The following SLCO3A1 variants were observed in gnomAD, a reference collection of about 807,000 sequenced individuals.
SLCO3A1 encodes the protein PGE1 transporter.
In SLCO3A1, 27 loss-of-function variants were observed where a neutral mutation model predicts 63.1. That is an observed-to-expected ratio of 0.43 (90% CI 0.32 to 0.59). The LOEUF (loss-of-function observed/expected upper bound fraction) is 0.59. Ranked by LOEUF, SLCO3A1 falls within the 20% of genes least tolerant of loss-of-function variation. The pLI, the probability that SLCO3A1 is intolerant of heterozygous loss-of-function variation, is 0.09. For synonymous variants in SLCO3A1, 473 were observed against 409.9 expected, an observed-to-expected ratio of 1.15 and a Z score of -1.86; for missense variants, 773 against 945.8, an observed-to-expected ratio of 0.82 and a Z score of 2.40.
chr15:92,128,312 C>G, intron 6 of SLCO3A1, 39 bp from the exon 7 acceptor site: 1 of 1,613,010 alleles, frequency 6.2e-7, no homozygotes, highest in Non-Finnish European at 8.5e-7. Context: ...TCCGAATTGA[C>G]CTGTTTCTAA....
At chr15:92,144,257 T>C (rs751194507) in intron 7 of SLCO3A1, among the ~76,000 whole-genome samples, 1 of 152,026 alleles carries the variant, frequency 6.6e-6, no homozygotes, top group Non-Finnish European at 1.5e-5. Context: ...ACATGATGTA[T>C]ACACAGGAGA....
intron 1 of SLCO3A1, among the ~76,000 whole-genome samples, chr15:91,861,578 A>G (rs1026338559): frequency 2.6e-5 from 4 of 152,198 alleles, no homozygotes; most frequent in Admixed American, 1.3e-4. Context: ...CCTAATCAAC[A>G]CACATTGAAA....
In SLCO3A1 at chr15:92,047,483, A is replaced by T. The variant is rs1212545566; in HGVS notation, c.647-47398A>T. ...ATATATAATATATAAATATATATAA[A>T]TATATATATAAATATATATAAATAT... On this transcript the variant is annotated intron_variant, in intron 2 of 9. Coordinates refer to ENST00000318445, the MANE Select transcript of SLCO3A1 (RefSeq NM_013272.4). 2.2e-4 allele frequency among the ~76,000 whole-genome samples: 5 copies of T among 22,232 alleles called. 1 individual carries two copies. Among genetic ancestry groups the T allele is most frequent in the African/African-American group, 8.2e-4 (5 of 6,112 alleles). 14.6% of individuals were successfully genotyped at this position (22,232 alleles called of 152,430 possible). A position where few individuals can be genotyped will look rare whatever the true frequency, so the allele number is the denominator to read the frequency against.
intron 2 of SLCO3A1, among the ~76,000 whole-genome samples, chr15:91,922,027 G>A (rs6496867): frequency 0.44 from 66,400 of 151,982 alleles, 15,048 homozygotes; most frequent in African/African-American, 0.54. Context: ...GAGCCACTGC[G>A]CCCGGCCAAG....
At chr15:91,992,453 T>C (rs55944037) in intron 2 of SLCO3A1, among the ~76,000 whole-genome samples, 5,630 of 152,278 alleles carry the variant, frequency 0.037, 160 homozygotes, top group Non-Finnish European at 0.05. Context: ...CTACATGATT[T>C]GTGTGTTTCC....
chr15:92,067,887 G>T (rs2047170455), intron 2 of SLCO3A1, among the ~76,000 whole-genome samples: 1 of 152,174 alleles, frequency 6.6e-6, no homozygotes, highest in Admixed American at 6.5e-5. Flanking sequence ...GTCTCGTGAG[G>T]ATCAGCTTCT....
chr15:92,132,862 G>T (rs2048013023), intron 7 of SLCO3A1, among the ~76,000 whole-genome samples: 1 of 145,520 alleles, frequency 6.9e-6, no homozygotes, highest in Non-Finnish European at 1.5e-5. Context: ...CTCAATACAG[G>T]CCGCACCTTA....
chr15:92,048,968 G>A (rs564183348), intron 2 of SLCO3A1, among the ~76,000 whole-genome samples: 102 of 152,322 alleles, frequency 6.7e-4, no homozygotes, highest in Non-Finnish European at 1.4e-3. Context: ...TCCATGAAAT[G>A]ATTGGCTTTA....
At chr15:91,976,051 T>C (rs1457226973) in intron 2 of SLCO3A1, among the ~76,000 whole-genome samples, 3 of 152,220 alleles carry the variant, frequency 2.0e-5, no homozygotes. Flanking sequence ...TTTTTAATGT[T>C]AGATACTCTG....
At chr15:92,153,384 C>A (rs1046549235) in intron 9 of SLCO3A1, 1 of 152,084 alleles carries the variant, frequency 6.6e-6, no homozygotes, top group East Asian at 1.9e-4. Flanking sequence ...TATGAGTCTC[C>A]AATTAGAGGC....
intron 3 of SLCO3A1, among the ~76,000 whole-genome samples, chr15:92,100,431 A>G (rs1253823928): frequency 2.6e-5 from 4 of 152,188 alleles, no homozygotes; most frequent in African/African-American, 7.2e-5. Flanking sequence ...TTTATTCAAC[A>G]TCTTTCTTCA....
intron 2 of SLCO3A1, among the ~76,000 whole-genome samples, chr15:92,048,818 A>C (rs1012680028): frequency 1.3e-5 from 2 of 152,140 alleles, no homozygotes; most frequent in African/African-American, 2.4e-5. Flanking sequence ...GAATTGCTTG[A>C]ACCCGGAAGG....
At position 91,941,505 on chromosome 15, in the gene SLCO3A1, T is replaced by C. The variant is rs1415124723; in HGVS notation, c.646+25047T>C. On this transcript the variant is annotated intron_variant, in intron 2 of 9. Coordinates refer to ENST00000318445, the MANE Select transcript of SLCO3A1 (RefSeq NM_013272.4). The surrounding 1 kb of genome is among the most constrained non-coding windows in gnomAD (Gnocchi z 4.4). ...ACTCTGAGCCTTGATTGAGTGACCTTGGCCAAGTTACCTAGCTTTTCTGAG... is the reference window on the plus strand; with the variant it reads ...ACTCTGAGCCTTGATTGAGTGACCTCGGCCAAGTTACCTAGCTTTTCTGAG... The C allele has an allele frequency of 2.2e-6, 1 of 455,588 alleles. No individual in the cohort carries two copies. The highest frequency in any genetic ancestry group is 2.0e-5 in the African/African-American group (1 of 50,028). The allele number at this position is 455,588 out of a possible 1,614,324, so 28.2% of individuals were successfully genotyped here. A position where few individuals can be genotyped will look rare whatever the true frequency, so the allele number is the denominator to read the frequency against.
intron 2 of SLCO3A1, among the ~76,000 whole-genome samples, chr15:92,044,820 C>T (rs985649654): frequency 4.6e-5 from 7 of 152,268 alleles, no homozygotes; most frequent in Non-Finnish European, 7.4e-5. Flanking sequence ...TGACTCCTGA[C>T]GTAGTCTCTG....
At chr15:91,867,832 G>A (rs911727021) in intron 1 of SLCO3A1, among the ~76,000 whole-genome samples, 2 of 152,180 alleles carry the variant, frequency 1.3e-5, no homozygotes, top group African/African-American at 4.8e-5. Flanking sequence ...CTGGGGGCTG[G>A]GAGGCCTGTG....
At chr15:92,000,287 A>G (rs754071474) in intron 2 of SLCO3A1, among the ~76,000 whole-genome samples, 4 of 152,190 alleles carry the variant, frequency 2.6e-5, no homozygotes, top group Non-Finnish European at 5.9e-5. Flanking sequence ...ATGCCTGTGA[A>G]AGACATCTAG....
chr15:92,139,792 A>C (rs1321555321), intron 7 of SLCO3A1, among the ~76,000 whole-genome samples: 1 of 151,342 alleles, frequency 6.6e-6, no homozygotes, highest in African/African-American at 2.4e-5. Context: ...CTCTGATGGT[A>C]GTTTGTATTT....
chr15:92,114,520 T>C (rs1466011853), intron 4 of SLCO3A1, among the ~76,000 whole-genome samples: 1 of 151,964 alleles, frequency 6.6e-6, no homozygotes, highest in Non-Finnish European at 1.5e-5. Context: ...CGGTGGTTGC[T>C]AAACCTTGAT....
chr15:91,948,439 G>A lies in SLCO3A1; in HGVS notation c.646+31981G>A, dbSNP rs1899885916. Among the ~76,000 whole-genome samples, 1 of 152,210 alleles carries A rather than the reference G, an allele frequency of 6.6e-6. No homozygotes were observed. The highest frequency in any genetic ancestry group is 6.5e-5 in the Admixed American group (1 of 15,288). On this transcript the variant is annotated intron_variant, in intron 2 of 9. Coordinates refer to ENST00000318445, the MANE Select transcript of SLCO3A1 (RefSeq NM_013272.4). The surrounding 1 kb of genome is among the most constrained non-coding windows in gnomAD (Gnocchi z 4.8). ...ATAAGCCTACAGGCTCTGTAGGAGT[G>A]CCGGCATGCACACAGCACCACCTGG...
Sources: allele counts gnomAD v4.1 joint callset (sites outside exome capture counted in the v4.1 genomes callset), GRCh38; gene constraint gnomAD v4.1.1; non-coding constraint Gnocchi (gnomAD v3.1); transcripts MANE v1.5; gene names NCBI Gene and HGNC (gene_info 2026-07-23, HGNC 2026-07-21).